CCDC171: variants seen among roughly 807,000 people sequenced by gnomAD.
CCDC171 encodes the protein coiled-coil domain containing 171, also known as coiled-coil domain-containing protein 171.
CCDC171 carries 177 observed loss-of-function variants against 168.2 expected under a neutral mutation model. The observed-to-expected ratio is 1.05, with a 90% CI of 0.93 to 1.19. The LOEUF (loss-of-function observed/expected upper bound fraction) is 1.19. CCDC171 is among the 50% of genes most tolerant of loss of function. The pLI is 0.00. For missense variants in CCDC171, 1,991 were observed against 1,539.0 expected, an observed-to-expected ratio of 1.29 and a Z score of -4.91; for synonymous variants, 687 against 540.8, an observed-to-expected ratio of 1.27 and a Z score of -3.75.
chr9:15,877,995 A>T (rs1291410726), intron 24 of CCDC171, among the ~76,000 whole-genome samples: 2 of 152,164 alleles, frequency 1.3e-5, no homozygotes, highest in Admixed American at 6.6e-5. Context: ...TGGATAAAAG[A>T]CTTAAATGTA....
intron 25 of CCDC171, among the ~76,000 whole-genome samples, chr9:15,938,081 TGG>T (rs1827303679): frequency 6.6e-6 from 1 of 151,906 alleles, no homozygotes; most frequent in African/African-American, 2.4e-5. Flanking sequence ...CACTTTACAC[TGG>T]TATCTACCTC....
chr9:15,909,116 C>T (rs964778791), intron 24 of CCDC171, among the ~76,000 whole-genome samples: 8 of 152,154 alleles, frequency 5.3e-5, no homozygotes, highest in Admixed American at 2.6e-4. Flanking sequence ...CTTATCCAAT[C>T]ATATTTCTTT....
chr9:15,721,557 A>T (rs1338312815), intron 11 of CCDC171, among the ~76,000 whole-genome samples: 1 of 148,844 alleles, frequency 6.7e-6, no homozygotes, highest in African/African-American at 2.5e-5. Flanking sequence ...GTTTAGAAAG[A>T]CTATTAATAC....
At chr9:15,651,146 C>T (rs183741348) in intron 7 of CCDC171, among the ~76,000 whole-genome samples, 81 of 150,306 alleles carry the variant, frequency 5.4e-4, no homozygotes, top group African/African-American at 1.8e-3. Context: ...GTCTCACTGT[C>T]TCACCCAGGC....
intron 25 of CCDC171, among the ~76,000 whole-genome samples, chr9:15,925,359 TC>T (rs1825774473): frequency 6.6e-6 from 1 of 151,498 alleles, no homozygotes; most frequent in Admixed American, 6.6e-5. Context: ...AGTGGTGACT[TC>T]TACAAAGTTT....
At chr9:15,803,343 C>G (rs1484225797) in intron 21 of CCDC171, among the ~76,000 whole-genome samples, 3 of 151,634 alleles carry the variant, frequency 2.0e-5, no homozygotes, top group Non-Finnish European at 4.4e-5. Context: ...ATGCCTATGT[C>G]CTGAATGGTA....
At chr9:16,082,408 C>G in the CCDC171 span, among the ~76,000 whole-genome samples, 1 of 152,148 alleles carries the variant, frequency 6.6e-6, no homozygotes, top group Non-Finnish European at 1.5e-5. Context: ...GGTCTCTCTT[C>G]TTTTGTGACA....
rs144470311 is a variant in CCDC171, at chr9:16,055,947, A to T, written n.90-4699A>T. On this transcript the variant is annotated intron_variant and non_coding_transcript_variant, in intron 1 of 1. Coordinates refer to the CCDC171 transcript ENST00000478913. ...AAAAATTCAAACGTGTACCCTCTAT[A>T]TGCCAACAATTGGGTAATGAAATAT... Among the ~76,000 whole-genome samples the T allele has an allele frequency of 6.8e-4, 103 of 152,344 alleles. 1 individual carries two copies. The highest frequency in any genetic ancestry group is 2.4e-3 in the African/African-American group (100 of 41,594).
chr9:15,602,918 A>G (rs1220682727), intron 6 of CCDC171, among the ~76,000 whole-genome samples: 3 of 152,066 alleles, frequency 2.0e-5, no homozygotes, highest in Admixed American at 6.5e-5. Flanking sequence ...TCGGCCTCCC[A>G]AAGTGCTGAG....
intron 6 of CCDC171, among the ~76,000 whole-genome samples, chr9:15,608,124 C>A (rs2043357152): frequency 6.6e-6 from 1 of 152,104 alleles, no homozygotes; most frequent in South Asian, 2.1e-4. Flanking sequence ...AGTTCTACTG[C>A]CATGATAACC....
the CCDC171 span, among the ~76,000 whole-genome samples, chr9:16,084,220 C>A: frequency 1.3e-5 from 2 of 152,162 alleles, no homozygotes; most frequent in Non-Finnish European, 2.9e-5. Context: ...TTTTGTTTAA[C>A]TCTGAGGAGT....
At chr9:15,723,143 C>T (rs556226975) in intron 12 of CCDC171, among the ~76,000 whole-genome samples, 3 of 152,268 alleles carry the variant, frequency 2.0e-5, no homozygotes, top group East Asian at 1.9e-4. Flanking sequence ...GAAGAATGAA[C>T]TGTCAAAGAA....
At chr9:15,696,904 G>T (rs34436333) in intron 11 of CCDC171, among the ~76,000 whole-genome samples, 1 of 152,072 alleles carries the variant, frequency 6.6e-6, no homozygotes. Flanking sequence ...GTGTTCCTGC[G>T]AAAGGACTGT....
rs1821530143 is a variant in CCDC171, at chr9:15,900,823, G to A, written c.3601-19447G>A. On this transcript the variant is annotated intron_variant, in intron 24 of 25. Coordinates refer to ENST00000380701, the MANE Select transcript of CCDC171 (RefSeq NM_173550.4). ...GCTCTGCTCTGCTTTCCTGATTCTAGGGTCCTTACTCATGGTTTTTGTTTC... is the reference window on the plus strand; with the variant it reads ...GCTCTGCTCTGCTTTCCTGATTCTAAGGTCCTTACTCATGGTTTTTGTTTC... Among the ~76,000 whole-genome samples the A allele has an allele frequency of 2.6e-5, 4 of 152,190 alleles. No individual in the cohort carries two copies. In the South Asian group the frequency reaches 8.3e-4, roughly 32 times the overall value.
chr9:15,780,160 C>T (rs986781449), intron 20 of CCDC171, among the ~76,000 whole-genome samples: 1 of 152,140 alleles, frequency 6.6e-6, no homozygotes, highest in African/African-American at 2.4e-5. Context: ...AGTAGATACA[C>T]CTTCAAAGGG....
intron 10 of CCDC171, among the ~76,000 whole-genome samples, chr9:15,686,765 C>G (rs1489080750): frequency 6.6e-6 from 1 of 152,104 alleles, no homozygotes; most frequent in Non-Finnish European, 1.5e-5. Context: ...CTATTTGAAG[C>G]AAAACCTGAC....
chr9:15,962,565 C>T (rs935155815), intron 25 of CCDC171, among the ~76,000 whole-genome samples: 3 of 152,102 alleles, frequency 2.0e-5, no homozygotes, highest in African/African-American at 7.2e-5. Flanking sequence ...TTAATTTTTA[C>T]TGGCAATCAA....
chr9:15,756,397 A>G (rs1462645714), intron 18 of CCDC171, among the ~76,000 whole-genome samples: 1 of 152,134 alleles, frequency 6.6e-6, no homozygotes, highest in Admixed American at 6.6e-5. Context: ...TTCAACTTTT[A>G]TTTTAGATCA....
At chr9:15,661,799 G>A (rs1458400086) in intron 8 of CCDC171, among the ~76,000 whole-genome samples, 1 of 152,148 alleles carries the variant, frequency 6.6e-6, no homozygotes, top group Non-Finnish European at 1.5e-5. Flanking sequence ...GTGATTGAGT[G>A]TGCTTATTTT....
Sources: gnomAD v4.1 joint callset for allele counts (sites outside exome capture counted in the v4.1 genomes callset) on GRCh38, gnomAD v4.1.1 for gene constraint, MANE v1.5 for transcripts, NCBI Gene and HGNC (gene_info 2026-07-23, HGNC 2026-07-21) for gene names.